The following MRTFB variants were observed in gnomAD, a reference collection of about 807,000 sequenced individuals.
The protein encoded by MRTFB is myocardin-related transcription factor B.
A neutral mutation model predicts 104.2 loss-of-function variants in MRTFB; 29 were observed. The ratio of observed to expected loss-of-function variants is 0.28; its 90% CI spans 0.21 to 0.38. MRTFB has a LOEUF of 0.38. Ranked by LOEUF, MRTFB falls within the 10% of genes least tolerant of loss-of-function variation. The probability of loss-of-function intolerance (pLI) is 1.00; values close to 1 mark genes in which losing one functional copy is unlikely to be tolerated. For missense variants in MRTFB, 1,270 were observed against 1,341.6 expected (o/e 0.95, Z 0.83); for synonymous variants, 535 against 519.5 (o/e 1.03, Z -0.41).
the MRTFB span, among the ~76,000 whole-genome samples, chr16:14,051,221 C>T: frequency 6.6e-6 from 1 of 151,976 alleles, no homozygotes; most frequent in Non-Finnish European, 1.5e-5. Context: ...CACAAAGACA[C>T]ACACAGACAC....
chr16:14,048,801 C>G, the MRTFB span, among the ~76,000 whole-genome samples: 5,133 of 152,252 alleles, frequency 0.034, 291 homozygotes, highest in African/African-American at 0.12. Flanking sequence ...TCCACCACCC[C>G]CTTTTGATTT....
At chr16:14,136,884 G>A (rs1317792372) in intron 2 of MRTFB, among the ~76,000 whole-genome samples, 1 of 151,954 alleles carries the variant, frequency 6.6e-6, no homozygotes, top group African/African-American at 2.4e-5. Flanking sequence ...ACTTAATGCT[G>A]GATAAATGTT....
intron 2 of MRTFB, among the ~76,000 whole-genome samples, chr16:14,087,031 G>A (rs1464826496): frequency 1.3e-5 from 2 of 152,102 alleles, no homozygotes; most frequent in Non-Finnish European, 2.9e-5. Flanking sequence ...TTCATATACA[G>A]AATTTGTAGC....
At chr16:14,162,191 A>G (rs915316826) in intron 3 of MRTFB, among the ~76,000 whole-genome samples, 2 of 151,194 alleles carry the variant, frequency 1.3e-5, no homozygotes, top group African/African-American at 4.9e-5. Flanking sequence ...TTTAATAGCC[A>G]AGCATGGTGA....
intron 15 of MRTFB, among the ~76,000 whole-genome samples, chr16:14,253,634 G>T (rs2043348423): frequency 6.6e-6 from 1 of 152,202 alleles, no homozygotes; most frequent in Non-Finnish European, 1.5e-5. Context: ...TACAGAAGCT[G>T]CTCAGTCCAG....
At chr16:14,189,321 C>A (rs761926022) in intron 3 of MRTFB, among the ~76,000 whole-genome samples, 1 of 152,186 alleles carries the variant, frequency 6.6e-6, no homozygotes, top group South Asian at 2.1e-4. Flanking sequence ...GTGTTTAGCT[C>A]ATCAGATTTG....
the MRTFB span, among the ~76,000 whole-genome samples, chr16:14,022,039 C>T: frequency 2.0e-5 from 3 of 152,156 alleles, no homozygotes; most frequent in Non-Finnish European, 4.4e-5. Context: ...AGAGAAAGTT[C>T]TCTGCCTTTA....
At chr16:14,181,524 T>C (rs1402366610) in intron 3 of MRTFB, among the ~76,000 whole-genome samples, 1 of 152,186 alleles carries the variant, frequency 6.6e-6, no homozygotes, top group Admixed American at 6.5e-5. Context: ...TACTGAGACA[T>C]AGAAGATGAA....
At chr16:14,122,992 G>A (rs1170036531) in intron 2 of MRTFB, among the ~76,000 whole-genome samples, 4 of 152,160 alleles carry the variant, frequency 2.6e-5, no homozygotes, top group South Asian at 2.1e-4. Flanking sequence ...TCTTACTGGC[G>A]TGAGATGGTA....
At chr16:14,027,843 C>T in the MRTFB span, among the ~76,000 whole-genome samples, 32 of 152,278 alleles carry the variant, frequency 2.1e-4, no homozygotes, top group East Asian at 3.5e-3. Flanking sequence ...GCTATTGTTT[C>T]TCCAGCAACT....
chr16:14,158,140 C>A (rs553040833), intron 3 of MRTFB, among the ~76,000 whole-genome samples: 104 of 152,288 alleles, frequency 6.8e-4, no homozygotes, highest in South Asian at 5.4e-3. Context: ...TACCATGTGT[C>A]TTCTCACAAA....
the MRTFB span, among the ~76,000 whole-genome samples, chr16:14,028,300 A>G: frequency 1.3e-5 from 2 of 152,226 alleles, no homozygotes; most frequent in African/African-American, 2.4e-5. Context: ...GTAGCAAAAA[A>G]GAGGCCAGAC....
Position 14,210,224 on chromosome 16 carries a change from G to C in MRTFB, c.155-19G>C. On this transcript the variant is annotated intron_variant, in intron 3 of 16. Transcript: ENST00000571589. Reference sequence around the variant, plus strand: ...ACAGTTGCCGATAAACTCCAATGGTGATTATTTCCTTTTCACAGTGCTCCA... The same window carrying C: ...ACAGTTGCCGATAAACTCCAATGGTCATTATTTCCTTTTCACAGTGCTCCA... The C allele has an allele frequency of 6.2e-7, 1 of 1,609,008 alleles. No homozygotes were observed. Among genetic ancestry groups the C allele is most frequent in the South Asian group, 1.1e-5 (1 of 90,346 alleles).
At chr16:14,194,303 G>A (rs910682517) in intron 3 of MRTFB, among the ~76,000 whole-genome samples, 2 of 152,170 alleles carry the variant, frequency 1.3e-5, no homozygotes, top group African/African-American at 2.4e-5. Flanking sequence ...AATGGTGGTG[G>A]GTCTCTTCCA....
At chr16:14,006,065 G>A in the MRTFB span, among the ~76,000 whole-genome samples, 166 of 152,208 alleles carry the variant, frequency 1.1e-3, no homozygotes, top group African/African-American at 3.6e-3. Flanking sequence ...AAAATTAGCC[G>A]GGTGTGGTGG....
At chr16:14,097,032 G>T (rs2035415211) in intron 2 of MRTFB, among the ~76,000 whole-genome samples, 1 of 152,158 alleles carries the variant, frequency 6.6e-6, no homozygotes, top group Non-Finnish European at 1.5e-5. Context: ...CTTTGTATTA[G>T]AAGAATCATT....
At chr16:14,043,544 A>G in the MRTFB span, among the ~76,000 whole-genome samples, 19 of 152,170 alleles carry the variant, frequency 1.2e-4, no homozygotes, top group Non-Finnish European at 2.6e-4. Context: ...GACCGCCTCA[A>G]CACCCTGAGG....
intron 2 of MRTFB, among the ~76,000 whole-genome samples, chr16:14,083,505 G>A (rs1013588047): frequency 1.3e-5 from 2 of 152,140 alleles, no homozygotes; most frequent in Non-Finnish European, 2.9e-5. Flanking sequence ...AGAGTCAGGG[G>A]CCATGGAGGT....
chr16:14,187,481 A>C (rs1020575970), intron 3 of MRTFB, among the ~76,000 whole-genome samples: 2 of 152,236 alleles, frequency 1.3e-5, no homozygotes, highest in African/African-American at 4.8e-5. Context: ...TAAAACCAGG[A>C]AGGTAGCTAG....
Sources: allele counts gnomAD v4.1 joint callset (sites outside exome capture counted in the v4.1 genomes callset), GRCh38; gene constraint gnomAD v4.1.1; transcripts MANE v1.5; gene names NCBI Gene and HGNC (gene_info 2026-07-23, HGNC 2026-07-21).